DIAPH2: variants seen among roughly 807,000 people sequenced by gnomAD.
The protein encoded by DIAPH2 is diaphanous related formin 2.
In DIAPH2, 35 loss-of-function variants were observed where a neutral mutation model predicts 92.7. The ratio of observed to expected loss-of-function variants is 0.38; its 90% CI spans 0.29 to 0.50. The LOEUF is 0.50. Ranked by LOEUF, DIAPH2 falls within the 20% of genes least tolerant of loss-of-function variation. The pLI is 0.94. For synonymous variants in DIAPH2, 301 were observed against 280.4 expected (o/e 1.07, Z -0.73); for missense variants, 701 against 819.5 (o/e 0.86, Z 1.77).
intron 23 of DIAPH2, among the ~76,000 whole-genome samples, chrX:97,267,853 T>G (rs2068350898): frequency 9.0e-6 from 1 of 111,648 alleles, no homozygotes; most frequent in Non-Finnish European, 1.9e-5. Flanking sequence ...CTTATAAGAC[T>G]CACTGTACAA....
chrX:96,764,872 G>A (rs2147606561), intron 4 of DIAPH2, among the ~76,000 whole-genome samples: 1 of 111,431 alleles, frequency 9.0e-6, no homozygotes, highest in African/African-American at 3.3e-5. Flanking sequence ...TAACGAGTTT[G>A]GGGAGATAAG....
intron 23 of DIAPH2, among the ~76,000 whole-genome samples, chrX:97,280,318 CAA>C (rs11339890): frequency 2.2e-4 from 23 of 105,588 alleles, no homozygotes; most frequent in African/African-American, 7.9e-4. Context: ...ACTAAAAATA[CAA>C]AAAAAAAATT....
chrX:97,147,844 A>G (rs1342668159), intron 22 of DIAPH2, among the ~76,000 whole-genome samples: 1 of 111,656 alleles, frequency 9.0e-6, no homozygotes, highest in Non-Finnish European at 1.9e-5. Flanking sequence ...TTAGTTACCG[A>G]TTAGCTGTTT....
chrX:96,831,273 A>T (rs1261133447), intron 4 of DIAPH2, among the ~76,000 whole-genome samples: 1 of 109,854 alleles, frequency 9.1e-6, no homozygotes, highest in African/African-American at 3.3e-5. Flanking sequence ...CCATCATAGT[A>T]CTCTGTTTTA....
intron 26 of DIAPH2, among the ~76,000 whole-genome samples, chrX:97,569,925 G>A (rs1334983138): frequency 9.6e-6 from 1 of 104,444 alleles, no homozygotes; most frequent in African/African-American, 3.5e-5. Context: ...TTTATGACAA[G>A]TTAAATCTGT....
At chrX:97,313,597 T>A in intron 23 of DIAPH2, among the ~76,000 whole-genome samples, 1 of 111,599 alleles carries the variant, frequency 9.0e-6, no homozygotes, top group Non-Finnish European at 1.9e-5. Context: ...TGTTCTGTGA[T>A]CAAATGTGAA....
chrX:97,285,273 C>T (rs1280515038), intron 23 of DIAPH2, among the ~76,000 whole-genome samples: 4 of 106,462 alleles, frequency 3.8e-5, no homozygotes, highest in Non-Finnish European at 7.7e-5. Flanking sequence ...GGCGCGGTGG[C>T]TCATGCCTGT....
intron 4 of DIAPH2, among the ~76,000 whole-genome samples, chrX:96,834,679 G>T (rs1269620600): frequency 1.8e-5 from 2 of 111,413 alleles, no homozygotes; most frequent in Non-Finnish European, 3.8e-5. Context: ...GACATATTTG[G>T]TAAATCTATA....
chrX:97,272,981 C>T (rs1052100029), intron 23 of DIAPH2, among the ~76,000 whole-genome samples: 3 of 111,085 alleles, frequency 2.7e-5, no homozygotes, highest in Non-Finnish European at 5.7e-5. Context: ...CATGGAGAAA[C>T]CCAGTCTGTA....
chrX:97,189,380 A>G (rs1334199398), intron 22 of DIAPH2, among the ~76,000 whole-genome samples: 1 of 110,171 alleles, frequency 9.1e-6, no homozygotes, highest in East Asian at 2.9e-4. Flanking sequence ...ACAGTCTGAG[A>G]AACAAGCCAC....
chrX:97,160,544 G>C (rs1295399916), intron 22 of DIAPH2, among the ~76,000 whole-genome samples: 1 of 111,150 alleles, frequency 9.0e-6, no homozygotes, highest in Non-Finnish European at 1.9e-5. Flanking sequence ...ATATTGCTAA[G>C]GCATACTTTC....
chrX:96,793,854 C>T (rs1171083357), intron 4 of DIAPH2, among the ~76,000 whole-genome samples: 3 of 111,712 alleles, frequency 2.7e-5, no homozygotes, highest in Non-Finnish European at 5.6e-5. Context: ...TAGTGTGGTG[C>T]ACAGTAAATA....
At chrX:97,285,595 C>T (rs2147605685) in intron 23 of DIAPH2, among the ~76,000 whole-genome samples, 1 of 110,102 alleles carries the variant, frequency 9.1e-6, no homozygotes, top group African/African-American at 3.3e-5. Flanking sequence ...AATTGTGTCT[C>T]CTGTTACTTT....
At chrX:96,943,129 T>C (rs1237397828) in intron 13 of DIAPH2, among the ~76,000 whole-genome samples, 1 of 110,884 alleles carries the variant, frequency 9.0e-6, no homozygotes, top group African/African-American at 3.3e-5. Flanking sequence ...TCTATCTCTC[T>C]GTATGCTGAT....
intron 26 of DIAPH2, among the ~76,000 whole-genome samples, chrX:97,496,168 C>CTTTTTTTTTTTT (rs10632820): frequency 1.8e-5 from 1 of 54,090 alleles, no homozygotes; most frequent in Non-Finnish European, 3.1e-5. Context: ...GAATTGGTAC[C>CTTTTTTTTTTTT]TTTTTTTTTT....
At chrX:97,205,688 T>C (rs1215913026) in intron 22 of DIAPH2, among the ~76,000 whole-genome samples, 2 of 111,367 alleles carry the variant, frequency 1.8e-5, no homozygotes, top group Non-Finnish European at 3.8e-5. Flanking sequence ...AAATAGGAAT[T>C]ATTTTACACT....
At chrX:97,118,155 C>A (rs1200349318) in intron 21 of DIAPH2, among the ~76,000 whole-genome samples, 1 of 111,363 alleles carries the variant, frequency 9.0e-6, no homozygotes, top group Non-Finnish European at 1.9e-5. Context: ...AGTAACTAAG[C>A]CAGAAACTGA....
At chrX:97,133,891 T>C (rs886170073) in intron 21 of DIAPH2, among the ~76,000 whole-genome samples, 1 of 112,230 alleles carries the variant, frequency 8.9e-6, no homozygotes, top group Admixed American at 9.5e-5. Flanking sequence ...CATTAGGTTA[T>C]TTAGATACAA....
intron 22 of DIAPH2, among the ~76,000 whole-genome samples, chrX:97,154,702 G>A (rs2067309716): frequency 1.8e-5 from 2 of 111,332 alleles, no homozygotes; most frequent in South Asian, 7.6e-4. Flanking sequence ...TTTATTTAAC[G>A]CTATTCGTAT....
Sources: allele counts gnomAD v4.1 joint callset (sites outside exome capture counted in the v4.1 genomes callset), GRCh38; gene constraint gnomAD v4.1.1; transcripts MANE v1.5; gene names NCBI Gene and HGNC (gene_info 2026-07-23, HGNC 2026-07-21).